DOCK2: variants seen among roughly 807,000 people sequenced by gnomAD.
DOCK2 encodes dedicator of cytokinesis 2.
DOCK2 carries 87 observed loss-of-function variants against 248.9 expected under a neutral mutation model. The ratio of observed to expected loss-of-function variants is 0.35; its 90% CI spans 0.29 to 0.42. DOCK2 has a LOEUF of 0.42. Among genes scored for constraint, DOCK2 ranks in the 10% least tolerant of loss-of-function variants. DOCK2 has a pLI of 1.00. For synonymous variants in DOCK2, 805 were observed against 821.6 expected (o/e 0.98, Z 0.35); for missense variants, 1,747 against 2,300.2 (o/e 0.76, Z 4.92).
intron 27 of DOCK2, among the ~76,000 whole-genome samples, chr5:169,937,311 A>G (rs1234423340): frequency 6.6e-6 from 1 of 152,200 alleles, no homozygotes; most frequent in Non-Finnish European, 1.5e-5. Context: ...AAGTTTGCCA[A>G]CCCGTAGACT....
chr5:170,078,907 G>A, intron 48 of DOCK2, 68 bp from the exon 49 acceptor site: 2 of 1,577,162 alleles, frequency 1.3e-6, no homozygotes, highest in Admixed American at 3.4e-5. Context: ...CAGCTTCCTG[G>A]GTCCTTGCAA....
intron 32 of DOCK2, 74 bp from the exon 33 acceptor site, chr5:170,018,886 C>T: frequency 3.2e-6 from 5 of 1,540,498 alleles, no homozygotes; most frequent in Admixed American, 4.1e-5. Context: ...TTTTTTCTTT[C>T]CCCAGGCTTG....
At chr5:170,033,139 A>G (rs999064763) in intron 34 of DOCK2, among the ~76,000 whole-genome samples, 4 of 152,208 alleles carry the variant, frequency 2.6e-5, no homozygotes, top group Admixed American at 6.5e-5. Context: ...AGTGACTAGT[A>G]CAGTGTCTGG....
At chr5:169,910,920 C>T (rs567294792) in intron 27 of DOCK2, among the ~76,000 whole-genome samples, 12 of 152,268 alleles carry the variant, frequency 7.9e-5, no homozygotes, top group Admixed American at 7.2e-4. Flanking sequence ...ACTATCCTCA[C>T]AAGGCACAAT....
intron 27 of DOCK2, among the ~76,000 whole-genome samples, chr5:169,940,072 C>T (rs758332418): frequency 5.9e-5 from 9 of 152,312 alleles, no homozygotes; most frequent in Middle Eastern, 3.4e-3. Flanking sequence ...GCCCTGGTGA[C>T]GGCTGTGGGT....
chr5:170,050,718 C>T (rs1756883503), intron 41 of DOCK2, among the ~76,000 whole-genome samples: 1 of 149,472 alleles, frequency 6.7e-6, no homozygotes, highest in African/African-American at 2.6e-5. Flanking sequence ...CAACTTGCTC[C>T]CTGCAGTAAG....
chr5:169,983,010 G>A, intron 27 of DOCK2, 58 bp from the exon 28 acceptor site: 1 of 1,559,264 alleles, frequency 6.4e-7, no homozygotes, highest in Non-Finnish European at 8.8e-7. Context: ...TTTCTCACAG[G>A]GAAGTTTTCC....
chr5:169,652,326 C>T (rs142873694), intron 1 of DOCK2, among the ~76,000 whole-genome samples: 1 of 152,362 alleles, frequency 6.6e-6, no homozygotes, highest in African/African-American at 2.4e-5. Context: ...GGCAGTTGTA[C>T]ACTGCAGCCC....
intron 27 of DOCK2, among the ~76,000 whole-genome samples, chr5:169,846,705 C>T (rs1350326815): frequency 1.3e-5 from 2 of 151,840 alleles, no homozygotes; most frequent in East Asian, 3.9e-4. Flanking sequence ...CAGATATATG[C>T]TTTTATTTCA....
Position 169,898,568 on chromosome 5 carries a change from C to T in DOCK2, c.2799+57716C>T, listed in dbSNP as rs150126096. Among the ~76,000 whole-genome samples, 859 of 151,546 alleles carry T rather than the reference C, an allele frequency of 5.7e-3. 14 individuals carry two copies. The highest frequency in any genetic ancestry group is 0.019 in the African/African-American group (801 of 41,242). ...CAACAACAACAACAACAACACACACCGGATTGCAGTATGAGTTCAATGAAA... is the reference window on the plus strand; with the variant it reads ...CAACAACAACAACAACAACACACACTGGATTGCAGTATGAGTTCAATGAAA... On this transcript the variant is annotated intron_variant, in intron 27 of 51. Coordinates refer to ENST00000520908, the MANE Select transcript of DOCK2 (RefSeq NM_004946.3).
chr5:169,971,428 CTTTTTT>C (rs34124700), intron 27 of DOCK2, among the ~76,000 whole-genome samples: 4 of 135,204 alleles, frequency 3.0e-5, no homozygotes, highest in African/African-American at 2.8e-5. Context: ...CTCCTAGAGC[CTTTTTT>C]TTTTTTTTTT....
intron 27 of DOCK2, among the ~76,000 whole-genome samples, chr5:169,842,743 T>C (rs1396490400): frequency 6.6e-6 from 1 of 152,194 alleles, no homozygotes; most frequent in African/African-American, 2.4e-5. Flanking sequence ...ATGGGGCCTG[T>C]GTCATAAGAA....
chr5:169,924,377 G>T (rs1390227595), intron 27 of DOCK2, among the ~76,000 whole-genome samples: 1 of 152,150 alleles, frequency 6.6e-6, no homozygotes, highest in Non-Finnish European at 1.5e-5. Context: ...CCTCTTTTTA[G>T]TCAGTTTCCT....
At chr5:169,669,502 C>G (rs561659232) in intron 3 of DOCK2, among the ~76,000 whole-genome samples, 174 bp downstream of exon 3, 3 of 152,138 alleles carry the variant, frequency 2.0e-5, no homozygotes, top group Non-Finnish European at 4.4e-5. Flanking sequence ...GCTCAGCTCC[C>G]TCCCACTTTC....
intron 27 of DOCK2, chr5:169,875,144 A>G (rs1772241546): frequency 2.2e-6 from 1 of 451,748 alleles, no homozygotes; most frequent in South Asian, 1.6e-5. Context: ...AAAACTTTCT[A>G]GTAAATCAAG....
chr5:169,725,973 G>A (rs1762450565), intron 22 of DOCK2, among the ~76,000 whole-genome samples: 1 of 152,128 alleles, frequency 6.6e-6, no homozygotes, highest in Non-Finnish European at 1.5e-5. Flanking sequence ...AAATACATGT[G>A]CATGTGTCTT....
intron 10 of DOCK2, among the ~76,000 whole-genome samples, chr5:169,696,566 TA>T (rs747359582): frequency 4.6e-5 from 7 of 152,266 alleles, no homozygotes; most frequent in Non-Finnish European, 1.0e-4. Flanking sequence ...CTGCTTTACA[TA>T]ATGTATGTTT....
intron 15 of DOCK2, among the ~76,000 whole-genome samples, chr5:169,709,424 G>C (rs191504002): frequency 1.0e-3 from 156 of 152,306 alleles, no homozygotes; most frequent in Non-Finnish European, 2.0e-3. Context: ...TTTTAGGCCA[G>C]GTGCAGTGGC....
At chr5:170,063,857 G>T (rs1757409415) in intron 44 of DOCK2, among the ~76,000 whole-genome samples, 2 of 152,278 alleles carry the variant, frequency 1.3e-5, no homozygotes, top group South Asian at 4.2e-4. Flanking sequence ...CTGAGTCTAG[G>T]CACTTGCCAC....
Sources: allele counts gnomAD v4.1 joint callset (sites outside exome capture counted in the v4.1 genomes callset), GRCh38; gene constraint gnomAD v4.1.1; transcripts MANE v1.5; gene names NCBI Gene and HGNC (gene_info 2026-07-23, HGNC 2026-07-21).